RTN4RL1: variants seen among roughly 807,000 people sequenced by gnomAD.
RTN4RL1 encodes the protein reticulon-4 receptor-like 1.
Under a neutral mutation model 25.6 loss-of-function variants are expected in RTN4RL1, and 7 were observed. The ratio of observed to expected loss-of-function variants is 0.27; its 90% confidence interval spans 0.16 to 0.51. RTN4RL1 has a LOEUF of 0.51. RTN4RL1 is among the 20% of genes least tolerant of loss of function. The probability of loss-of-function intolerance (pLI) is 0.97; values close to 1 mark genes in which losing one functional copy is unlikely to be tolerated. For synonymous variants in RTN4RL1, 297 were observed against 288.2 expected, an observed-to-expected ratio of 1.03 and a Z score of -0.31; for missense variants, 500 against 615.6, an observed-to-expected ratio of 0.81 and a Z score of 1.99.
chr17:1,975,356 A>G (rs1200287281), intron 1 of RTN4RL1, among the ~76,000 whole-genome samples: 2 of 152,174 alleles, frequency 1.3e-5, no homozygotes, highest in Non-Finnish European at 1.5e-5. Flanking sequence ...GCATCAGCAG[A>G]AAACTTTGGG....
chr17:1,937,135 G>A lies in RTN4RL1; in HGVS notation c.687C>T (p.Phe229=). 1 of 1,611,264 alleles carries A rather than the reference G, an allele frequency of 6.2e-7. No individual in the cohort carries two copies. Among genetic ancestry groups the A allele is most frequent in the Non-Finnish European group, 8.5e-7 (1 of 1,179,210 alleles). ...CCTGCAGCTCCGAGAGGCTGTTGTT[G>A]AAGAGGAAGAGGGTGGTCAGCCTGC... ...DLRRLTTLFL[F]NNSLSELQGE... is the part of the protein sequence containing the mutation. The change falls in exon 2 of 2, where the codon TTC becomes TTT. Residue 229 remains phenylalanine (F), a synonymous_variant. Coordinates refer to ENST00000331238, the MANE Select transcript of RTN4RL1 (RefSeq NM_178568.4).
intron 1 of RTN4RL1, among the ~76,000 whole-genome samples, chr17:2,022,998 G>A (rs1055123490): frequency 1.3e-5 from 2 of 152,248 alleles, no homozygotes; most frequent in African/African-American, 4.8e-5. Context: ...GGCTCTTGGA[G>A]GCTGCTGGAG....
intron 1 of RTN4RL1, among the ~76,000 whole-genome samples, chr17:1,973,680 T>C (rs1597503644): frequency 6.6e-6 from 1 of 152,154 alleles, no homozygotes; most frequent in African/African-American, 2.4e-5. Context: ...CTCTGAGGCC[T>C]GGCCCCAGCC....
intron 1 of RTN4RL1, among the ~76,000 whole-genome samples, chr17:2,007,337 AACAC>A (rs34669886): frequency 0.017 from 2,338 of 140,340 alleles, 22 homozygotes; most frequent in Middle Eastern, 0.033. Flanking sequence ...TCACAGCCCC[AACAC>A]ACACACACAC....
At chr17:1,972,640 T>C (rs1216329369) in intron 1 of RTN4RL1, among the ~76,000 whole-genome samples, 6 of 152,204 alleles carry the variant, frequency 3.9e-5, no homozygotes, top group African/African-American at 1.4e-4. Context: ...TCGTGCCTGT[T>C]TTCCCGCCCA....
rs1352398594 is a variant in RTN4RL1, at chr17:2,007,337, A to ACACACACACACACAC, written c.13+17515_13+17516insGTGTGTGTGTGTGTG. Among the ~76,000 whole-genome samples the ACACACACACACACAC allele has an allele frequency of 8.8e-3, 1,235 of 140,386 alleles. 13 individuals are homozygous for ACACACACACACACAC. Among genetic ancestry groups the ACACACACACACACAC allele is most frequent in the African/African-American group, 0.014 (521 of 36,932 alleles). 92.1% of individuals were successfully genotyped at this position (140,386 alleles called of 152,430 possible). A position where few individuals can be genotyped will look rare whatever the true frequency, so the allele number is the denominator to read the frequency against. Reference sequence around the variant, plus strand: ...AGACCTAGGCCATGTTCACAGCCCCAACACACACACACACACACACACACA... The same window carrying ACACACACACACACAC: ...AGACCTAGGCCATGTTCACAGCCCCACACACACACACACACACACACACACACACACACACACACA... On this transcript the variant is annotated intron_variant, in intron 1 of 1. Transcript: ENST00000331238.
chr17:1,968,116 G>A (rs1172170015), intron 1 of RTN4RL1, among the ~76,000 whole-genome samples: 1 of 152,102 alleles, frequency 6.6e-6, no homozygotes. Context: ...GGGAGCCACC[G>A]TGACCTGTGC....
chr17:2,001,854 G>T (rs1418571824), intron 1 of RTN4RL1, among the ~76,000 whole-genome samples: 3 of 152,136 alleles, frequency 2.0e-5, no homozygotes, highest in Non-Finnish European at 2.9e-5. Flanking sequence ...CCCTGCTAAG[G>T]TCCCCACTTG....
intron 1 of RTN4RL1, among the ~76,000 whole-genome samples, chr17:1,970,680 C>T (rs914335227): frequency 2.0e-5 from 3 of 152,162 alleles, no homozygotes; most frequent in Non-Finnish European, 4.4e-5. Flanking sequence ...CTCAGCAACA[C>T]CTGATAATCA....
At position 1,971,427 on chromosome 17, in the gene RTN4RL1, C is replaced by T. The variant is rs570601407; in HGVS notation, c.14-33619G>A. Among the ~76,000 whole-genome samples the T allele has an allele frequency of 1.4e-4, 22 of 152,270 alleles. 1 individual carries two copies. The Middle Eastern group carries it at 0.014, about 94-fold the overall frequency. On this transcript the variant is annotated intron_variant, in intron 1 of 1. Coordinates refer to ENST00000331238, the MANE Select transcript of RTN4RL1 (RefSeq NM_178568.4). ...ACAGCAGTGTGAAAACGGAGTAATA[C>T]GCTACTATTTGTTCAGTTTTATAGA...
chr17:1,973,365 T>TA lies in RTN4RL1; in HGVS notation c.14-35558dup, dbSNP rs35165215. Among the ~76,000 whole-genome samples the TA allele has an allele frequency of 3.4e-3, 427 of 124,798 alleles. 1 individual carries two copies. Among genetic ancestry groups the TA allele is most frequent in the South Asian group, 5.1e-3 (19 of 3,762 alleles). 81.9% of individuals were successfully genotyped at this position (124,798 alleles called of 152,430 possible). On this transcript the variant is annotated intron_variant, in intron 1 of 1. Coordinates refer to ENST00000331238, the MANE Select transcript of RTN4RL1 (RefSeq NM_178568.4). The stretch of plus-strand genomic sequence containing the variant: ...TGGGCAATAGTGTGAGACACTGTCT[T>TA]AAAAAAAAAAAAAAAAAAAGTCTGG...
intron 1 of RTN4RL1, among the ~76,000 whole-genome samples, chr17:1,986,856 C>G (rs576360095): frequency 6.6e-6 from 1 of 152,240 alleles, no homozygotes; most frequent in Admixed American, 6.5e-5. Flanking sequence ...CTCTGCCCAC[C>G]ACATGACACA....
In RTN4RL1 at chr17:1,949,737, A is replaced by C. The variant is rs981475813; in HGVS notation, c.14-11929T>G. ...GGGGCCTACATTCTCCTGGGGGTGC[A>C]GTCAAAATAAAGGAACCAGATAAGC... On this transcript the variant is annotated intron_variant, in intron 1 of 1. Coordinates refer to ENST00000331238, the MANE Select transcript of RTN4RL1 (RefSeq NM_178568.4). Among the ~76,000 whole-genome samples, 5 of 152,320 alleles carry C rather than the reference A, an allele frequency of 3.3e-5. No individual in the cohort carries two copies. In the East Asian group the frequency reaches 5.8e-4, roughly 18 times the overall value.
chr17:1,989,005 G>T (rs557653974), intron 1 of RTN4RL1, among the ~76,000 whole-genome samples: 3 of 152,258 alleles, frequency 2.0e-5, no homozygotes, highest in Admixed American at 2.0e-4. Context: ...GCCACTAAAG[G>T]ATTGTAAGCA....
chr17:1,998,725 G>C lies in RTN4RL1; in HGVS notation c.13+26128C>G, dbSNP rs908704254. Among the ~76,000 whole-genome samples the C allele has an allele frequency of 1.7e-4, 26 of 151,504 alleles. No individual in the cohort carries two copies. The highest frequency in any genetic ancestry group is 3.5e-4 in the Non-Finnish European group (24 of 67,828). ...GCGCCCGGGCCCCGCTCCCCTCACGGGCCTCGCAGCACAGACGGGGACAGG... is the reference window on the plus strand; with the variant it reads ...GCGCCCGGGCCCCGCTCCCCTCACGCGCCTCGCAGCACAGACGGGGACAGG... On this transcript the variant is annotated intron_variant, in intron 1 of 1. Transcript: ENST00000331238. The surrounding 1 kb of genome is among the most constrained non-coding windows in gnomAD (Gnocchi z 4.9).
chr17:1,955,677 G>A (rs746728301), intron 1 of RTN4RL1, among the ~76,000 whole-genome samples: 15 of 151,702 alleles, frequency 9.9e-5, no homozygotes, highest in South Asian at 2.1e-4. Context: ...TCCACCTCCC[G>A]GGTTCAAGCG....
intron 1 of RTN4RL1, among the ~76,000 whole-genome samples, chr17:2,011,460 G>A (rs1446694199): frequency 6.6e-6 from 1 of 152,162 alleles, no homozygotes; most frequent in Non-Finnish European, 1.5e-5. Context: ...GGAATTGGAG[G>A]CACCTAGCTG....
chr17:1,988,667 G>T lies in RTN4RL1; in HGVS notation c.13+36186C>A, dbSNP rs746775594. Reference sequence around the variant, plus strand: ...CTTAAATGCTTCCTGAAGGAATGGAGAAATGAATAAATGGATGCTGGATGC... The same window carrying T: ...CTTAAATGCTTCCTGAAGGAATGGATAAATGAATAAATGGATGCTGGATGC... On this transcript the variant is annotated intron_variant, in intron 1 of 1. Transcript: ENST00000331238. Among the ~76,000 whole-genome samples the T allele has an allele frequency of 3.3e-5, 5 of 152,144 alleles. 1 individual carries two copies. Among genetic ancestry groups the T allele is most frequent in the Non-Finnish European group, 7.4e-5 (5 of 68,024 alleles).
rs898375240 is a variant in RTN4RL1, at chr17:1,994,736, C to G, written c.13+30117G>C. ...CCCACCTCCAAGCCTCAGTTTCCTT[C>G]TCTAGGAAAGGGGATAATACACGCT... On this transcript the variant is annotated intron_variant, in intron 1 of 1. Coordinates refer to ENST00000331238, the MANE Select transcript of RTN4RL1 (RefSeq NM_178568.4). The surrounding 1 kb of genome is among the most constrained non-coding windows in gnomAD (Gnocchi z 4.3). Among the ~76,000 whole-genome samples the G allele has an allele frequency of 1.3e-5, 2 of 152,108 alleles. No individual in the cohort carries two copies. The highest frequency in any genetic ancestry group is 6.6e-5 in the Admixed American group (1 of 15,266).
Sources: allele counts gnomAD v4.1 joint callset (sites outside exome capture counted in the v4.1 genomes callset), GRCh38; gene constraint gnomAD v4.1.1; non-coding constraint Gnocchi (gnomAD v3.1); transcripts MANE v1.5; gene names NCBI Gene and HGNC (gene_info 2026-07-23, HGNC 2026-07-21).